The following SDK1 variants were observed in gnomAD, a reference collection of about 807,000 sequenced individuals.
SDK1 encodes protein sidekick-1.
A neutral mutation model predicts 245.5 loss-of-function variants in SDK1; 157 were observed. That is an observed-to-expected ratio of 0.64 (90% CI 0.56 to 0.73). The LOEUF is 0.73. SDK1 is among the 30% of genes least tolerant of loss of function. The pLI is 0.00. For synonymous variants in SDK1, 1,647 were observed against 1,278.5 expected (o/e 1.29, Z -6.15); for missense variants, 3,583 against 3,002.3 (o/e 1.19, Z -4.52).
intron 1 of SDK1, among the ~76,000 whole-genome samples, chr7:3,525,826 G>C (rs371579795): frequency 6.6e-6 from 1 of 152,118 alleles, no homozygotes; most frequent in Non-Finnish European, 1.5e-5. Flanking sequence ...ATCAATTTTA[G>C]TGTAATAATT....
At chr7:3,458,615 G>A (rs1177072778) in intron 1 of SDK1, among the ~76,000 whole-genome samples, 1 of 151,584 alleles carries the variant, frequency 6.6e-6, no homozygotes, top group East Asian at 1.9e-4. Flanking sequence ...CAACCTACCT[G>A]GAATGGATTT....
chr7:4,243,555 G>T (rs918048996), intron 43 of SDK1, among the ~76,000 whole-genome samples: 1 of 152,214 alleles, frequency 6.6e-6, no homozygotes, highest in African/African-American at 2.4e-5. Context: ...GCAAAGTCAC[G>T]TCTTACGTGG....
intron 1 of SDK1, among the ~76,000 whole-genome samples, chr7:3,335,092 C>T (rs1780165146): frequency 6.6e-6 from 1 of 152,168 alleles, no homozygotes; most frequent in Admixed American, 6.5e-5. Flanking sequence ...TGCTGCCATT[C>T]CAGGCCACCA....
intron 1 of SDK1, among the ~76,000 whole-genome samples, chr7:3,450,205 G>C (rs1263527880): frequency 6.6e-6 from 1 of 152,216 alleles, no homozygotes; most frequent in African/African-American, 2.4e-5. Flanking sequence ...ATCGATATGT[G>C]AGAGATGATG....
rs1156953402 is a variant in SDK1 at position 3,947,132 on chromosome 7, C to T, written c.848-3791C>T. On this transcript the variant is annotated intron_variant, in intron 5 of 44. Transcript: ENST00000404826. ...GGCCTTTTGTTATTTACCATTGTAA[C>T]TCTAAGATATATACATGAGCATGCA... 3.9e-5 allele frequency among the ~76,000 whole-genome samples: 6 copies of T among 152,036 alleles called. No homozygotes were observed. The East Asian group carries it at 9.6e-4, about 24-fold the overall frequency.
intron 44 of SDK1, among the ~76,000 whole-genome samples, chr7:4,249,271 G>A (rs1405198456): frequency 1.3e-5 from 2 of 152,192 alleles, no homozygotes; most frequent in Non-Finnish European, 2.9e-5. Context: ...TGATGAGCTG[G>A]ACTGGAGAGG....
intron 1 of SDK1, among the ~76,000 whole-genome samples, chr7:3,563,831 G>A (rs1779823468): frequency 6.6e-6 from 1 of 152,014 alleles, no homozygotes; most frequent in Admixed American, 6.6e-5. Flanking sequence ...AGGAATGAAA[G>A]CAATAACAAA....
intron 44 of SDK1, among the ~76,000 whole-genome samples, chr7:4,254,798 A>T (rs1043182634): frequency 7.9e-5 from 12 of 152,222 alleles, no homozygotes; most frequent in African/African-American, 2.9e-4. Context: ...TCATTCAGTG[A>T]AGTCCATTTC....
intron 30 of SDK1, among the ~76,000 whole-genome samples, chr7:4,150,635 C>T (rs1022197228): frequency 4.6e-5 from 7 of 152,360 alleles, no homozygotes; most frequent in African/African-American, 1.4e-4. Flanking sequence ...CCTGACTGAA[C>T]CTGAATGTAG....
chr7:4,037,129 T>C (rs1788280291), intron 17 of SDK1, among the ~76,000 whole-genome samples: 1 of 152,232 alleles, frequency 6.6e-6, no homozygotes, highest in African/African-American at 2.4e-5. Context: ...TGCTTGTCAA[T>C]TTGAAATTGC....
chr7:4,009,245 T>G (rs1213621197), intron 14 of SDK1, among the ~76,000 whole-genome samples: 2 of 152,234 alleles, frequency 1.3e-5, no homozygotes, highest in Non-Finnish European at 2.9e-5. Context: ...TACATACCAG[T>G]TCTCTTCAGA....
chr7:3,455,672 G>C (rs1780644616), intron 1 of SDK1, among the ~76,000 whole-genome samples: 2 of 152,054 alleles, frequency 1.3e-5, no homozygotes, highest in African/African-American at 4.8e-5. Flanking sequence ...ACACAGTTTT[G>C]ATTATGGAGC....
At chr7:4,173,363 C>T (rs1200324827) in intron 32 of SDK1, among the ~76,000 whole-genome samples, 1 of 152,176 alleles carries the variant, frequency 6.6e-6, no homozygotes, top group Non-Finnish European at 1.5e-5. Context: ...GTGGAAACAT[C>T]CTCCCCAAAT....
intron 4 of SDK1, among the ~76,000 whole-genome samples, chr7:3,805,286 G>A (rs972079541): frequency 1.3e-5 from 2 of 152,178 alleles, no homozygotes; most frequent in Admixed American, 6.5e-5. Context: ...TTGCTTTGTA[G>A]ATTCCTTGGT....
intron 5 of SDK1, among the ~76,000 whole-genome samples, chr7:3,870,944 G>T (rs1053054726): frequency 6.6e-6 from 1 of 152,104 alleles, no homozygotes; most frequent in Non-Finnish European, 1.5e-5. Flanking sequence ...CAGTTATTTT[G>T]CAGAGATTAT....
At chr7:3,988,569 T>A (rs1416117945) in intron 14 of SDK1, among the ~76,000 whole-genome samples, 1 of 152,164 alleles carries the variant, frequency 6.6e-6, no homozygotes, top group Non-Finnish European at 1.5e-5. Flanking sequence ...ACTGTGCTCT[T>A]TCTCCACACC....
intron 1 of SDK1, among the ~76,000 whole-genome samples, chr7:3,473,654 C>T (rs1250995382): frequency 6.6e-6 from 1 of 151,204 alleles, no homozygotes; most frequent in African/African-American, 2.4e-5. Context: ...TTCCTGGGTC[C>T]AGGTACTAAT....
intron 1 of SDK1, among the ~76,000 whole-genome samples, chr7:3,482,734 C>G (rs1432870843): frequency 6.6e-6 from 1 of 152,172 alleles, no homozygotes; most frequent in African/African-American, 2.4e-5. Context: ...AAATACAACT[C>G]CTCTCTGGAG....
chr7:3,734,391 A>G (rs1779264014), intron 4 of SDK1, among the ~76,000 whole-genome samples: 1 of 152,210 alleles, frequency 6.6e-6, no homozygotes, highest in South Asian at 2.1e-4. Flanking sequence ...GCATGAGGAA[A>G]TACTTCTACC....
Sources: gnomAD v4.1 joint callset for allele counts (sites outside exome capture counted in the v4.1 genomes callset) on GRCh38, gnomAD v4.1.1 for gene constraint, MANE v1.5 for transcripts, NCBI Gene and HGNC (gene_info 2026-07-23, HGNC 2026-07-21) for gene names.